The following PTPRU variants were observed in gnomAD, a reference collection of about 807,000 sequenced individuals.
PTPRU encodes the protein protein tyrosine phosphatase receptor type U.
PTPRU carries 69 observed loss-of-function variants against 166.3 expected under a neutral mutation model. The ratio of observed to expected loss-of-function variants is 0.41; its 90% CI spans 0.34 to 0.51. PTPRU has a LOEUF of 0.51. Among genes scored for constraint, PTPRU ranks in the 20% least tolerant of loss-of-function variants. The pLI, the probability that PTPRU is intolerant of heterozygous loss-of-function variation, is 0.09. For synonymous variants in PTPRU, 793 were observed against 814.0 expected (o/e 0.97, Z 0.44); for missense variants, 1,657 against 2,013.7 (o/e 0.82, Z 3.39).
intron 15 of PTPRU, among the ~76,000 whole-genome samples, chr1:29,301,904 G>A (rs1038387070): frequency 2.2e-4 from 34 of 152,302 alleles, no homozygotes; most frequent in African/African-American, 8.2e-4. Context: ...CCCTACAAAG[G>A]ACATGGACTC....
At chr1:29,284,584 G>A (rs1686254106) in intron 13 of PTPRU, 147 bp from the exon 14 acceptor site, 10 of 1,093,710 alleles carry the variant, frequency 9.1e-6, no homozygotes, top group Non-Finnish European at 1.2e-5. Flanking sequence ...TGGTGAGGAG[G>A]TAGATTTGCT....
intron 18 of PTPRU, among the ~76,000 whole-genome samples, chr1:29,310,366 G>C (rs1483975705): frequency 6.6e-6 from 1 of 152,116 alleles, no homozygotes; most frequent in Non-Finnish European, 1.5e-5. Flanking sequence ...GGGTTGATTA[G>C]AGCTTCTGGA....
chr1:29,304,187 C>T (rs1687276492), intron 16 of PTPRU, 142 bp downstream of exon 16: 5 of 991,510 alleles, frequency 5.0e-6, no homozygotes, highest in Non-Finnish European at 7.2e-6. Context: ...CCTTTTTGAC[C>T]TCGACTCTGA....
intron 1 of PTPRU, among the ~76,000 whole-genome samples, chr1:29,246,419 T>C (rs1323091322): frequency 6.6e-6 from 1 of 152,198 alleles, no homozygotes; most frequent in Non-Finnish European, 1.5e-5. Flanking sequence ...TGGGACCACT[T>C]TCTTGGGCTT....
In PTPRU at chr1:29,269,219, C is replaced by CAAAT. The variant is rs1365617963; in HGVS notation, c.1145-6228_1145-6227insAATA. On this transcript the variant is annotated intron_variant, in intron 7 of 29. Coordinates refer to ENST00000373779, the MANE Select transcript of PTPRU (RefSeq NM_133178.4). ...CCACCATGCCCAGCTAATTTATATA[C>CAAAT]ATATATATATATATATATATATATA... 5.2e-3 allele frequency among the ~76,000 whole-genome samples: 219 copies of CAAAT among 42,382 alleles called. 6 individuals carry two copies. The highest frequency in any genetic ancestry group is 0.014 in the South Asian group (13 of 916). The allele number at this position is 42,382 out of a possible 152,430, so 27.8% of individuals were successfully genotyped here.
Position 29,305,444 on chromosome 1 carries a change from T to C in PTPRU, c.2820+16T>C, listed in dbSNP as rs751927953. 6.2e-7 allele frequency: 1 copy of C among 1,610,956 alleles called. No homozygotes were observed. Among genetic ancestry groups the C allele is most frequent in the South Asian group, 1.1e-5 (1 of 90,996 alleles). Reference sequence around the variant, plus strand: ...CTACATAGATGTGAGTGCCTTGCCCTGTCATTTCTGCAGACCTGGCCCTGC... The same window carrying C: ...CTACATAGATGTGAGTGCCTTGCCCCGTCATTTCTGCAGACCTGGCCCTGC... On this transcript the variant is annotated intron_variant, in intron 18 of 29. Coordinates refer to ENST00000373779, the MANE Select transcript of PTPRU (RefSeq NM_133178.4).
At chr1:29,318,521 G>A (rs1236487633) in intron 25 of PTPRU, among the ~76,000 whole-genome samples, 1 of 152,220 alleles carries the variant, frequency 6.6e-6, no homozygotes, top group Non-Finnish European at 1.5e-5. Context: ...GTCTGAGGCG[G>A]GAAGGGTCTA....
chr1:29,267,809 T>C (rs1386204617), intron 7 of PTPRU, among the ~76,000 whole-genome samples: 1 of 152,172 alleles, frequency 6.6e-6, no homozygotes, highest in African/African-American at 2.4e-5. Flanking sequence ...TTGTGGAGAA[T>C]GTTCTCCAGG....
intron 15 of PTPRU, among the ~76,000 whole-genome samples, chr1:29,300,030 G>T (rs575976491): frequency 6.6e-6 from 1 of 152,308 alleles, no homozygotes; most frequent in South Asian, 2.1e-4. Flanking sequence ...TGCCCTTGCA[G>T]GTGCTCGCTG....
In PTPRU at chr1:29,317,707, C is replaced by G. The variant is rs374056023; in HGVS notation, c.3514-41C>G. ...TGGGGATGTGAGGAGGCCCAGCAAG[C>G]CCTGGACGTAACTCTCTGTCCCCAC... On this transcript the variant is annotated intron_variant, in intron 24 of 29. Transcript: ENST00000373779. This position sits in a 1 kb window ranked among gnomAD's most constrained non-coding sequence, Gnocchi z 5.6. 2 of 1,559,758 alleles carry G rather than the reference C, an allele frequency of 1.3e-6. No individual in the cohort carries two copies. Among genetic ancestry groups the G allele is most frequent in the Non-Finnish European group, 1.7e-6 (2 of 1,154,000 alleles).
intron 15 of PTPRU, among the ~76,000 whole-genome samples, chr1:29,298,619 C>T (rs2151960856): frequency 6.6e-6 from 1 of 152,350 alleles, no homozygotes; most frequent in South Asian, 2.1e-4. Flanking sequence ...CCTTGTACGT[C>T]TGGAGCTATT....
chr1:29,262,243 ATAT>A (rs1193970700), intron 7 of PTPRU, among the ~76,000 whole-genome samples: 1 of 152,244 alleles, frequency 6.6e-6, no homozygotes, highest in Non-Finnish European at 1.5e-5. Context: ...TGTTTCAAAA[ATAT>A]TATATGAATG....
chr1:29,236,966 T>C lies in PTPRU; in HGVS notation c.73+249T>C, dbSNP rs1342206259. On this transcript the variant is annotated intron_variant, in intron 1 of 29. Transcript: ENST00000373779. This position sits in a 1 kb window ranked among gnomAD's most constrained non-coding sequence, Gnocchi z 4.6. The stretch of plus-strand genomic sequence containing the variant: ...ATGTTGGGGGTGAATGTTGTGTGCA[T>C]CGAGGCATTGGGTGTGCGCTGAGTG... Among the ~76,000 whole-genome samples the C allele has an allele frequency of 1.3e-5, 2 of 152,108 alleles. No homozygotes were observed. Among genetic ancestry groups the C allele is most frequent in the Non-Finnish European group, 2.9e-5 (2 of 68,000 alleles).
chr1:29,290,427 G>A (rs1686573074), intron 14 of PTPRU, among the ~76,000 whole-genome samples: 1 of 152,198 alleles, frequency 6.6e-6, no homozygotes, highest in African/African-American at 2.4e-5. Context: ...ATACAACCCA[G>A]GCCCCTGCTG....
Position 29,237,388 on chromosome 1 carries a change from G to C in PTPRU, c.73+671G>C, listed in dbSNP as rs1292360929. 6.6e-6 allele frequency among the ~76,000 whole-genome samples: 1 copy of C among 152,166 alleles called. No individual in the cohort carries two copies. Among genetic ancestry groups the C allele is most frequent in the African/African-American group, 2.4e-5 (1 of 41,444 alleles). ...TCCGAGTGAATGCCAAGTGTGCCGG[G>C]AATGCGTGTGTGGGAGCGAGTCTGG... is the stretch of plus-strand genomic sequence containing the variant. On this transcript the variant is annotated intron_variant, in intron 1 of 29. Transcript: ENST00000373779. The surrounding 1 kb of genome is among the most constrained non-coding windows in gnomAD (Gnocchi z 6.4).
In PTPRU at chr1:29,260,480, G is replaced by A; in HGVS notation, c.851-130G>A. ...TGGGGGTAGGAGAGCGGGTCTGGTTGAGGGCTTGGTAGCAGCGTGAGAGGC... is the reference window on the plus strand; with the variant it reads ...TGGGGGTAGGAGAGCGGGTCTGGTTAAGGGCTTGGTAGCAGCGTGAGAGGC... On this transcript the variant is annotated intron_variant, in intron 6 of 29. Transcript: ENST00000373779. This position sits in a 1 kb window ranked among gnomAD's most constrained non-coding sequence, Gnocchi z 8.3. 1.4e-6 allele frequency: 1 copy of A among 720,226 alleles called. No individual in the cohort carries two copies. The highest frequency in any genetic ancestry group is 2.1e-6 in the Non-Finnish European group (1 of 479,034). 44.6% of individuals were successfully genotyped at this position (720,226 alleles called of 1,614,324 possible).
rs199954695 is a variant in PTPRU, at chr1:29,255,392, C to T, written c.191C>T (p.Ala64Val). The T allele has an allele frequency of 1.9e-5, 30 of 1,614,128 alleles. No individual in the cohort carries two copies. Among genetic ancestry groups the T allele is most frequent in the Admixed American group, 1.2e-4 (7 of 60,020 alleles). ...VRIHPGTRAP[A>V]DLPHGSYLMV... ...ATCCACCCTGGCACCCGGGCACCTG[C>T]GGACCTGCCCCACGGTAAGTCTACT... The change falls in exon 2 of 30, where the codon GCG becomes GTG. Residue 64 changes from alanine to valine, a missense_variant. This residue lies in a region of PTPRU where 453 missense variants were observed against 496.9 expected (regional missense o/e 0.91). Transcript: ENST00000373779.
chr1:29,252,203 C>T lies in PTPRU; in HGVS notation c.74-3072C>T, dbSNP rs77110236. On this transcript the variant is annotated intron_variant, in intron 1 of 29. Coordinates refer to ENST00000373779, the MANE Select transcript of PTPRU (RefSeq NM_133178.4). ...ACATCTCACCATTTCAGGAGAAGAC[C>T]GGGAGCCCCCAGCAGTGAGGAGCCC... is the stretch of plus-strand genomic sequence containing the variant. 9.1e-3 allele frequency among the ~76,000 whole-genome samples: 1,381 copies of T among 152,100 alleles called. 23 individuals are homozygous for T. Among genetic ancestry groups the T allele is most frequent in the African/African-American group, 0.032 (1,313 of 41,464 alleles).
At position 29,311,639 on chromosome 1, in the gene PTPRU, C is replaced by G. The variant is rs369313521; in HGVS notation, c.2956-4C>G. 7.7e-5 allele frequency: 124 copies of G among 1,614,020 alleles called. No individual in the cohort carries two copies. The highest frequency in any genetic ancestry group is 9.2e-5 in the Non-Finnish European group (109 of 1,179,968). ...CACTGAGTCCCGTCCTGTGGGGCCT[C>G]TAGGTGAAATGCTCACGGTACTGGC... On this transcript the variant is annotated splice_polypyrimidine_tract_variant and splice_region_variant and intron_variant, in intron 20 of 29. Coordinates refer to ENST00000373779, the MANE Select transcript of PTPRU (RefSeq NM_133178.4). The surrounding 1 kb of genome is among the most constrained non-coding windows in gnomAD (Gnocchi z 4.1).
Sources: gnomAD v4.1 joint callset for allele counts (sites outside exome capture counted in the v4.1 genomes callset) on GRCh38, gnomAD v4.1.1 for gene constraint, gnomAD v4.1.1 regional missense constraint, Gnocchi (gnomAD v3.1) non-coding constraint, MANE v1.5 for transcripts, NCBI Gene and HGNC (gene_info 2026-07-23, HGNC 2026-07-21) for gene names.